The following TAFA1 variants were observed in gnomAD, a reference collection of about 807,000 sequenced individuals.
TAFA1 encodes the protein TAFA chemokine like family member 1, also known as chemokine-like protein TAFA-1.
TAFA1 carries 4 observed loss-of-function variants against 18.5 expected under a neutral mutation model. The observed-to-expected ratio is 0.22, with a 90% CI of 0.11 to 0.49. The LOEUF is 0.49. Among genes scored for constraint, TAFA1 ranks in the 20% least tolerant of loss-of-function variants. The pLI is 0.98. For synonymous variants in TAFA1, 56 were observed against 55.2 expected (o/e 1.01, Z -0.06); for missense variants, 147 against 169.0 (o/e 0.87, Z 0.72).
chr3:68,378,647 G>C lies in TAFA1; in HGVS notation c.119-38633G>C, dbSNP rs552494117. Among the ~76,000 whole-genome samples the C allele has an allele frequency of 6.6e-5, 10 of 152,248 alleles. No homozygotes were observed. The East Asian group carries it at 1.7e-3, about 26-fold the overall frequency. On this transcript the variant is annotated intron_variant, in intron 2 of 4. Transcript: ENST00000478136. The stretch of plus-strand genomic sequence containing the variant: ...AGACATGAGATTTGGGAGGGTCTAA[G>C]AGCAGGATGGTATGGTTTGGCTCTG...
At chr3:68,543,104 T>C (rs767114321) in intron 4 of TAFA1, among the ~76,000 whole-genome samples, 21 of 152,186 alleles carry the variant, frequency 1.4e-4, no homozygotes, top group Non-Finnish European at 5.9e-5. Context: ...TTTGTAGCTA[T>C]ATTATTTAGG....
At chr3:68,470,508 G>A (rs2071977757) in intron 3 of TAFA1, among the ~76,000 whole-genome samples, 1 of 152,194 alleles carries the variant, frequency 6.6e-6, no homozygotes, top group African/African-American at 2.4e-5. Flanking sequence ...TGCATAAAAT[G>A]CTGATAGTGA....
rs541519162 is a variant in TAFA1 at position 68,180,832 on chromosome 3, C to T, written c.118+174088C>T. 2.6e-5 allele frequency among the ~76,000 whole-genome samples: 4 copies of T among 152,292 alleles called. No homozygotes were observed. In the East Asian group the frequency reaches 5.8e-4, roughly 22 times the overall value. ...TCATGCCCTTCTGTATCCCCTCTCT[C>T]TCTGTGTGGGCTAGGCCTAGTGACT... On this transcript the variant is annotated intron_variant, in intron 2 of 4. Coordinates refer to ENST00000478136, the MANE Select transcript of TAFA1 (RefSeq NM_213609.4).
intron 2 of TAFA1, among the ~76,000 whole-genome samples, chr3:68,154,553 C>T (rs1240380575): frequency 1.3e-5 from 2 of 152,144 alleles, no homozygotes; most frequent in African/African-American, 2.4e-5. Context: ...GTTCCAAACC[C>T]CTGTTTCCTT....
At chr3:68,050,970 C>T (rs554687094) in intron 2 of TAFA1, among the ~76,000 whole-genome samples, 3 of 152,288 alleles carry the variant, frequency 2.0e-5, no homozygotes, top group South Asian at 2.1e-4. Context: ...AATGTGAGAA[C>T]AAACAGTGTT....
At chr3:68,320,932 G>A (rs898154894) in intron 2 of TAFA1, among the ~76,000 whole-genome samples, 2 of 152,254 alleles carry the variant, frequency 1.3e-5, no homozygotes, top group South Asian at 2.1e-4. Context: ...CTAAGGAGGC[G>A]CTGGGCATGG....
At chr3:68,132,487 C>T (rs1354729567) in intron 2 of TAFA1, among the ~76,000 whole-genome samples, 1 of 152,176 alleles carries the variant, frequency 6.6e-6, no homozygotes, top group Non-Finnish European at 1.5e-5. Flanking sequence ...AATTTACACT[C>T]CCACCAACAG....
At chr3:68,531,021 AAAC>A (rs1397784634) in intron 3 of TAFA1, among the ~76,000 whole-genome samples, 5 of 148,266 alleles carry the variant, frequency 3.4e-5, no homozygotes, top group Non-Finnish European at 7.4e-5. Flanking sequence ...AACAACAACA[AAAC>A]AAAACAAAAC....
At chr3:68,511,291 G>GAAAACA (rs1244290644) in intron 3 of TAFA1, among the ~76,000 whole-genome samples, 1 of 152,126 alleles carries the variant, frequency 6.6e-6, no homozygotes, top group African/African-American at 2.4e-5. Flanking sequence ...TAACAGGTAT[G>GAAAACA]AAAACAAATG....
At position 68,544,883 on chromosome 3, in the gene TAFA1, A is replaced by T. The variant is rs1223815204; in HGVS notation, c.*380A>T. 1 of 152,130 alleles carries T rather than the reference A, an allele frequency of 6.6e-6. No homozygotes were observed. Among genetic ancestry groups the T allele is most frequent in the African/African-American group, 2.4e-5 (1 of 41,358 alleles). The allele number at this position is 152,130 out of a possible 1,614,324, so 9.4% of individuals were successfully genotyped here. A position where few individuals can be genotyped will look rare whatever the true frequency, so the allele number is the denominator to read the frequency against. ...GAAATGAACAGTACCACAGTTTGAGACGGCTGGTGTACCCCTTTGAGTTTT... is the reference window on the plus strand; with the variant it reads ...GAAATGAACAGTACCACAGTTTGAGTCGGCTGGTGTACCCCTTTGAGTTTT... On this transcript the variant is annotated 3_prime_UTR_variant, in exon 5 of 5. Transcript: ENST00000478136.
chr3:68,166,577 G>C (rs545076132), intron 2 of TAFA1, among the ~76,000 whole-genome samples: 2 of 152,178 alleles, frequency 1.3e-5, no homozygotes, highest in South Asian at 2.1e-4. Context: ...AGCACAATTC[G>C]TACCATAAAG....
intron 3 of TAFA1, among the ~76,000 whole-genome samples, chr3:68,466,219 C>A (rs2071882348): frequency 6.6e-6 from 1 of 152,106 alleles, no homozygotes; most frequent in African/African-American, 2.4e-5. Flanking sequence ...CAGAGAGTTT[C>A]TCCTCTGCCA....
chr3:68,213,538 C>T (rs2066619675), intron 2 of TAFA1, among the ~76,000 whole-genome samples: 2 of 152,090 alleles, frequency 1.3e-5, no homozygotes, highest in South Asian at 2.1e-4. Context: ...ATGTATTCTT[C>T]CCCCAAGCTC....
chr3:68,092,531 GT>G (rs2065041613), intron 2 of TAFA1, among the ~76,000 whole-genome samples: 1 of 152,142 alleles, frequency 6.6e-6, no homozygotes, highest in Non-Finnish European at 1.5e-5. Context: ...TTCAAGAAGA[GT>G]TTTAGACCAG....
intron 2 of TAFA1, among the ~76,000 whole-genome samples, chr3:68,380,698 A>T (rs1211646357): frequency 2.0e-5 from 3 of 151,708 alleles, no homozygotes; most frequent in East Asian, 3.9e-4. Context: ...GGCTGCAAAA[A>T]TTTTCTCCCA....
At chr3:68,512,124 A>G (rs895605673) in intron 3 of TAFA1, among the ~76,000 whole-genome samples, 9 of 152,118 alleles carry the variant, frequency 5.9e-5, no homozygotes, top group African/African-American at 2.2e-4. Flanking sequence ...CCAGTGATAA[A>G]GTTCTTAACC....
At position 68,469,541 on chromosome 3, in the gene TAFA1, C is replaced by T. The variant is rs943715290; in HGVS notation, c.259+52121C>T. On this transcript the variant is annotated intron_variant, in intron 3 of 4. Transcript: ENST00000478136. ...TACAAAAATTAGCTGGGCGTGGTGG[C>T]GGGTGCCTGTAGTCCCAGCTACTCA... Among the ~76,000 whole-genome samples the T allele has an allele frequency of 5.9e-5, 9 of 152,002 alleles. No homozygotes were observed. The East Asian group carries it at 7.8e-4, about 13-fold the overall frequency.
intron 2 of TAFA1, among the ~76,000 whole-genome samples, chr3:68,138,690 G>A (rs776778683): frequency 2.0e-5 from 3 of 152,138 alleles, no homozygotes; most frequent in African/African-American, 7.2e-5. Flanking sequence ...TGTATAAGAT[G>A]GAAACTCCGT....
intron 2 of TAFA1, among the ~76,000 whole-genome samples, chr3:68,360,441 C>T (rs2069448376): frequency 6.6e-6 from 1 of 151,860 alleles, no homozygotes; most frequent in African/African-American, 2.4e-5. Flanking sequence ...CATCATAGAG[C>T]AAGATGCCAA....
Sources: gnomAD v4.1 joint callset for allele counts (sites outside exome capture counted in the v4.1 genomes callset) on GRCh38, gnomAD v4.1.1 for gene constraint, MANE v1.5 for transcripts, NCBI Gene and HGNC (gene_info 2026-07-23, HGNC 2026-07-21) for gene names.